ATP1A2: variants seen among roughly 807,000 people sequenced by gnomAD.
The protein encoded by ATP1A2 is ATPase Na+/K+ transporting subunit alpha 2, also known as sodium/potassium-transporting ATPase subunit alpha-2.
In ATP1A2, 56 loss-of-function variants were observed where a neutral mutation model predicts 113.1. The observed-to-expected ratio is 0.49, with a 90% CI of 0.40 to 0.62. The LOEUF (loss-of-function observed/expected upper bound fraction) is 0.62. ATP1A2 is among the 20% of genes least tolerant of loss of function. ATP1A2 has a pLI of 0.00. For missense variants in ATP1A2, 712 were observed against 1,357.8 expected, an observed-to-expected ratio of 0.52 and a Z score of 7.47; for synonymous variants, 490 against 526.8, an observed-to-expected ratio of 0.93 and a Z score of 0.96.
intron 3 of ATP1A2, 39 bp downstream of exon 3, chr1:160,121,290 A>C (rs1651390180): frequency 6.2e-7 from 1 of 1,608,762 alleles, no homozygotes; most frequent in East Asian, 2.2e-5. Context: ...CAAAAGAGGC[A>C]AGAAAACCAT....
chr1:160,136,450 AATTCC>A (rs906074237), intron 18 of ATP1A2, 80 bp downstream of exon 18: 2 of 1,612,330 alleles, frequency 1.2e-6, no homozygotes, highest in Non-Finnish European at 1.7e-6. Flanking sequence ...CCCCAAGCAA[AATTCC>A]AGGACAGAGG....
chr1:160,141,697 G>T lies in ATP1A2; in HGVS notation c.*375G>T. Reference sequence around the variant, plus strand: ...CAAAAGCAGGAACCCATCTAAACCAGAAGGAAGCCCTCTCAGATCACCCCA... The same window carrying T: ...CAAAAGCAGGAACCCATCTAAACCATAAGGAAGCCCTCTCAGATCACCCCA... On this transcript the variant is annotated 3_prime_UTR_variant, in exon 23 of 23. Coordinates refer to ENST00000361216, the MANE Select transcript of ATP1A2 (RefSeq NM_000702.4). The T allele has an allele frequency of 3.1e-6, 1 of 322,762 alleles. No homozygotes were observed. The highest frequency in any genetic ancestry group is 6.0e-6 in the Non-Finnish European group (1 of 165,540). The allele number at this position is 322,762 out of a possible 1,614,324, so 20.0% of individuals were successfully genotyped here. A position where few individuals can be genotyped will look rare whatever the true frequency, so the allele number is the denominator to read the frequency against.
At chr1:160,126,130 T>C (rs905433656) in intron 7 of ATP1A2, among the ~76,000 whole-genome samples, 23 of 152,308 alleles carry the variant, frequency 1.5e-4, no homozygotes, top group African/African-American at 5.3e-4. Context: ...ATTCCACTGC[T>C]TGGAATCCAT....
intron 6 of ATP1A2, 105 bp downstream of exon 6, chr1:160,124,535 A>C (rs1651522524): frequency 6.6e-7 from 1 of 1,510,646 alleles, no homozygotes; most frequent in Non-Finnish European, 9.0e-7. Context: ...CCAGGTCCAA[A>C]TGTCAACACC....
Position 160,135,999 on chromosome 1 carries a change from C to T in ATP1A2, c.2439+6C>T, listed in dbSNP as rs374355050. The T allele has an allele frequency of 1.9e-5, 30 of 1,613,826 alleles. No homozygotes were observed. The African/African-American group carries it at 2.1e-4, about 12-fold the overall frequency. The stretch of plus-strand genomic sequence containing the variant: ...TTGACCTGGGCACAGATATGGTGAG[C>T]GCAGGAGGTGGAGGAGGGGACAGGC... On this transcript the variant is annotated splice_donor_region_variant and intron_variant, in intron 17 of 22. Transcript: ENST00000361216. The surrounding 1 kb of genome is among the most constrained non-coding windows in gnomAD (Gnocchi z 6.3).
intron 3 of ATP1A2, among the ~76,000 whole-genome samples, chr1:160,122,786 C>A (rs1039982876): frequency 6.6e-6 from 1 of 151,850 alleles, no homozygotes; most frequent in Non-Finnish European, 1.5e-5. Flanking sequence ...TGCACCACTG[C>A]GCTCCAGCCT....
rs753264381 is a variant in ATP1A2 at position 160,128,870 on chromosome 1, G to A, written c.1216+20G>A. The stretch of plus-strand genomic sequence containing the variant: ...AGTCTGGTGATTGGGTGCTCCAGAG[G>A]GGGTGGATAGGATTAGAGGAGGCTG... On this transcript the variant is annotated intron_variant, in intron 9 of 22. Coordinates refer to ENST00000361216, the MANE Select transcript of ATP1A2 (RefSeq NM_000702.4). The A allele has an allele frequency of 5.0e-6, 8 of 1,613,830 alleles. No individual in the cohort carries two copies. The highest frequency in any genetic ancestry group is 1.3e-5 in the African/African-American group (1 of 74,888).
chr1:160,137,450 A>AG (rs1371512586), intron 20 of ATP1A2, among the ~76,000 whole-genome samples: 1 of 152,192 alleles, frequency 6.6e-6, no homozygotes, highest in African/African-American at 2.4e-5. Flanking sequence ...CGCTTCTTGC[A>AG]GTGTGAGTTC....
intron 20 of ATP1A2, 113 bp from the exon 21 acceptor site, chr1:160,139,527 C>T (rs903829752): frequency 2.8e-5 from 25 of 896,232 alleles, no homozygotes; most frequent in African/African-American, 2.0e-4. Flanking sequence ...AGAAGACATG[C>T]GACTATGTCG....
chr1:160,120,136 A>G (rs1216619534), intron 1 of ATP1A2, among the ~76,000 whole-genome samples: 1 of 152,134 alleles, frequency 6.6e-6, no homozygotes, highest in Non-Finnish European at 1.5e-5. Flanking sequence ...ATGTTTTGGG[A>G]CAAATGGGGC....
rs755403357 is a variant in ATP1A2 at position 160,135,529 on chromosome 1, C to A, written c.2211C>A (p.Asp737Glu). The change falls in exon 16 of 23, where the codon GAC (aspartate) becomes GAA (glutamate). Residue 737 changes from aspartate (D) to glutamate (E), a missense_variant. Asp to Glu is a conservative substitution (Grantham distance 45). Around this residue, in one of 6 missense-constraint regions of ATP1A2, gnomAD observed 188 missense variants for 438.9 expected, o/e 0.43. Transcript: ENST00000361216. The surrounding 1 kb of genome is among the most constrained non-coding windows in gnomAD (Gnocchi z 6.3). ...IGIAMGISGS[D>E]VSKQAADMIL... ...TTGCCATGGGCATCTCTGGCTCTGA[C>A]GTCTCTAAGCAGGCAGCCGACATGA... is the stretch of plus-strand genomic sequence containing the variant. 2 of 1,614,178 alleles carry A rather than the reference C, an allele frequency of 1.2e-6. No individual in the cohort carries two copies. The highest frequency in any genetic ancestry group is 1.1e-5 in the South Asian group (1 of 91,082).
At chr1:160,124,184 C>A in intron 5 of ATP1A2, 112 bp from the exon 6 acceptor site, 2 of 1,551,378 alleles carry the variant, frequency 1.3e-6, no homozygotes, top group Non-Finnish European at 1.7e-6. Context: ...TCCATGCCAG[C>A]ACCTAATTGT....
rs780213162 is a variant in ATP1A2, at chr1:160,142,663, G to C, written c.*1341G>C. 1 of 152,232 alleles carries C rather than the reference G, an allele frequency of 6.6e-6. No homozygotes were observed. Among genetic ancestry groups the C allele is most frequent in the Non-Finnish European group, 1.5e-5 (1 of 68,110 alleles). 9.4% of individuals were successfully genotyped at this position (152,232 alleles called of 1,614,324 possible). A position where few individuals can be genotyped will look rare whatever the true frequency, so the allele number is the denominator to read the frequency against. On this transcript the variant is annotated 3_prime_UTR_variant, in exon 23 of 23. Transcript: ENST00000361216. The stretch of plus-strand genomic sequence containing the variant: ...TACTAAAAGTACAAAAAATTAGCCA[G>C]TCATGGTGGCACACGCCTGTAATCT...
In ATP1A2 at chr1:160,135,911, C is replaced by G. The variant is rs1209724722; in HGVS notation, c.2357C>G (p.Pro786Arg). 6.2e-7 allele frequency: 1 copy of G among 1,614,158 alleles called. No homozygotes were observed. The highest frequency in any genetic ancestry group is 8.5e-7 in the Non-Finnish European group (1 of 1,180,020). ...ACCAGCAACATCCCCGAGATCACCC[C>G]CTTCCTGCTGTTCATCATTGCCAAC... is the stretch of plus-strand genomic sequence containing the variant. ...TLTSNIPEIT[P>R]FLLFIIANIP... Residue 786 changes from proline (P) to arginine (R), a missense_variant, in exon 17 of 23, where the codon CCC becomes CGC. By Grantham distance (103) the Pro-to-Arg change is moderately radical. Around this residue, in one of 6 missense-constraint regions of ATP1A2, gnomAD observed 188 missense variants for 438.9 expected, o/e 0.43. Coordinates refer to ENST00000361216, the MANE Select transcript of ATP1A2 (RefSeq NM_000702.4). This position sits in a 1 kb window ranked among gnomAD's most constrained non-coding sequence, Gnocchi z 6.3.
At chr1:160,124,092 AAG>A in intron 5 of ATP1A2, 36 bp downstream of exon 5, 1 of 1,610,152 alleles carries the variant, frequency 6.2e-7, no homozygotes, top group Non-Finnish European at 8.5e-7. Flanking sequence ...GCTAGGCTGT[AAG>A]GTTTTGGCAA....
Position 160,142,704 on chromosome 1 carries a change from C to G in ATP1A2, c.*1382C>G, listed in dbSNP as rs918398041. ...CCTGTAATCTCAGCTACTCAGGAGGCTGAGGCAGGAGAATTGCTTGAACCT... is the reference window on the plus strand; with the variant it reads ...CCTGTAATCTCAGCTACTCAGGAGGGTGAGGCAGGAGAATTGCTTGAACCT... On this transcript the variant is annotated 3_prime_UTR_variant, in exon 23 of 23. Coordinates refer to ENST00000361216, the MANE Select transcript of ATP1A2 (RefSeq NM_000702.4). The G allele has an allele frequency of 6.6e-6, 1 of 151,972 alleles. No homozygotes were observed. The highest frequency in any genetic ancestry group is 1.5e-5 in the Non-Finnish European group (1 of 68,074). The allele number at this position is 151,972 out of a possible 1,614,324, so 9.4% of individuals were successfully genotyped here. A position where few individuals can be genotyped will look rare whatever the true frequency, so the allele number is the denominator to read the frequency against.
intron 22 of ATP1A2, among the ~76,000 whole-genome samples, chr1:160,140,458 G>A (rs376752608): frequency 2.6e-5 from 4 of 152,250 alleles, no homozygotes; most frequent in East Asian, 3.9e-4. Flanking sequence ...AAATATGATG[G>A]CTTACAAACC....
chr1:160,115,831 C>G lies in ATP1A2; in HGVS notation c.-31C>G, dbSNP rs192111085. On this transcript the variant is annotated 5_prime_UTR_variant, in exon 1 of 23. Transcript: ENST00000361216. ...TTGGGATCCTCCTGGTGACCTCTCCCGCTAAGGTCCCTCAGCCACTCTGCC... is the reference window on the plus strand; with the variant it reads ...TTGGGATCCTCCTGGTGACCTCTCCGGCTAAGGTCCCTCAGCCACTCTGCC... 6.0e-5 allele frequency: 95 copies of G among 1,587,602 alleles called. No individual in the cohort carries two copies. The highest frequency in any genetic ancestry group is 8.1e-5 in the Non-Finnish European group (94 of 1,167,136).
Position 160,134,472 on chromosome 1 carries a change from C to T in ATP1A2, c.1828-12C>T, listed in dbSNP as rs778832647. On this transcript the variant is annotated splice_polypyrimidine_tract_variant and intron_variant, in intron 13 of 22. Transcript: ENST00000361216. Reference sequence around the variant, plus strand: ...ATACTACTTTCCTGTTGTCTCCTCTCCTTCCCACTAGGTGATCATGGTAAC... The same window carrying T: ...ATACTACTTTCCTGTTGTCTCCTCTTCTTCCCACTAGGTGATCATGGTAAC... 8 of 1,614,224 alleles carry T rather than the reference C, an allele frequency of 5.0e-6. No individual in the cohort carries two copies. The East Asian group carries it at 1.6e-4, about 31-fold the overall frequency.
Sources: allele counts gnomAD v4.1 joint callset (sites outside exome capture counted in the v4.1 genomes callset), GRCh38; gene constraint gnomAD v4.1.1; regional missense constraint gnomAD v4.1.1; non-coding constraint Gnocchi (gnomAD v3.1); transcripts MANE v1.5; gene names NCBI Gene and HGNC (gene_info 2026-07-23, HGNC 2026-07-21).